Variants in CACNG2 observed in about 807,000 individuals in gnomAD.
CACNG2 encodes the protein calcium voltage-gated channel auxiliary subunit gamma 2, also known as voltage-dependent calcium channel gamma-2 subunit.
Under a neutral mutation model 25.9 loss-of-function variants are expected in CACNG2, and 3 were observed. That is an observed-to-expected ratio of 0.12 (90% CI 0.05 to 0.30). The LOEUF (loss-of-function observed/expected upper bound fraction) is 0.30, where lower values mean the gene tolerates loss of function less well. Ranked by LOEUF, CACNG2 falls within the 10% of genes least tolerant of loss-of-function variation. The pLI is 1.00. For missense variants in CACNG2, 341 were observed against 432.5 expected (o/e 0.79, Z 1.88); for synonymous variants, 167 against 173.3 (o/e 0.96, Z 0.29).
chr22:36,681,510 A>G (rs555681364), intron 1 of CACNG2, among the ~76,000 whole-genome samples: 1 of 151,832 alleles, frequency 6.6e-6, no homozygotes, highest in South Asian at 2.1e-4. Flanking sequence ...AAATTTGAGC[A>G]TCAGCCTTTG....
rs1269216276 is a variant in CACNG2, at chr22:36,609,526, G to T, written c.212-21978C>A. On this transcript the variant is annotated intron_variant, in intron 1 of 3. Transcript: ENST00000300105. ...GGAATCAACCCCCTAGAGTGTGATC[G>T]GGCAGGAATCAGCCCCCCAGAGCGT... Among the ~76,000 whole-genome samples, 12 of 131,294 alleles carry T rather than the reference G, an allele frequency of 9.1e-5. No individual in the cohort carries two copies. The Admixed American group carries it at 9.4e-4, about 10-fold the overall frequency. 86.1% of individuals were successfully genotyped at this position (131,294 alleles called of 152,430 possible). A position where few individuals can be genotyped will look rare whatever the true frequency, so the allele number is the denominator to read the frequency against.
At chr22:36,614,240 G>A (rs1213160977) in intron 1 of CACNG2, among the ~76,000 whole-genome samples, 2 of 152,146 alleles carry the variant, frequency 1.3e-5, no homozygotes, top group Non-Finnish European at 2.9e-5. Context: ...ATCTCTGGAC[G>A]TTTGCCACGT....
intron 1 of CACNG2, among the ~76,000 whole-genome samples, chr22:36,663,161 A>G (rs867066727): frequency 5.9e-5 from 9 of 152,270 alleles, no homozygotes; most frequent in Non-Finnish European, 7.4e-5. Flanking sequence ...CCCTTGCCCA[A>G]GTCGGTCTAC....
At chr22:36,611,022 T>A (rs1935931701) in intron 1 of CACNG2, among the ~76,000 whole-genome samples, 1 of 152,238 alleles carries the variant, frequency 6.6e-6, no homozygotes, top group Non-Finnish European at 1.5e-5. Context: ...GTTGTGACAC[T>A]CTGGAATCTG....
At chr22:36,641,223 A>G (rs1402775724) in intron 1 of CACNG2, among the ~76,000 whole-genome samples, 3 of 152,086 alleles carry the variant, frequency 2.0e-5, no homozygotes. Context: ...TTGTTTGTTG[A>G]TTGCCTCTTT....
At chr22:36,660,066 G>A (rs1463804516) in intron 1 of CACNG2, among the ~76,000 whole-genome samples, 1 of 152,220 alleles carries the variant, frequency 6.6e-6, no homozygotes, top group African/African-American at 2.4e-5. Flanking sequence ...GCACAAGCCG[G>A]GGCCTCCCAG....
chr22:36,566,699 C>G (rs891558789), intron 2 of CACNG2, among the ~76,000 whole-genome samples: 5 of 152,194 alleles, frequency 3.3e-5, no homozygotes, highest in Non-Finnish European at 2.9e-5. Context: ...CCCACTGCCT[C>G]CAGGGCCAAA....
chr22:36,580,939 A>G (rs2145917468), intron 2 of CACNG2, among the ~76,000 whole-genome samples: 1 of 152,252 alleles, frequency 6.6e-6, no homozygotes. Flanking sequence ...AGACACTCAA[A>G]CACACAGACA....
intron 1 of CACNG2, among the ~76,000 whole-genome samples, chr22:36,660,833 T>C (rs1194198340): frequency 6.6e-6 from 1 of 152,258 alleles, no homozygotes; most frequent in Non-Finnish European, 1.5e-5. Context: ...TGCTAAAGTT[T>C]TTTAAATCAT....
At chr22:36,661,400 G>A (rs182046053) in intron 1 of CACNG2, among the ~76,000 whole-genome samples, 2 of 152,142 alleles carry the variant, frequency 1.3e-5, no homozygotes, top group South Asian at 4.1e-4. Context: ...GCCATTTCTG[G>A]GCTGAGTGAC....
chr22:36,681,304 T>C (rs1937120309), intron 1 of CACNG2, among the ~76,000 whole-genome samples: 1 of 152,208 alleles, frequency 6.6e-6, no homozygotes, highest in Non-Finnish European at 1.5e-5. Context: ...AGACTGGACT[T>C]TTCCTACCTG....
At chr22:36,675,755 C>T (rs1937012100) in intron 1 of CACNG2, among the ~76,000 whole-genome samples, 1 of 152,244 alleles carries the variant, frequency 6.6e-6, no homozygotes, top group Admixed American at 6.5e-5. Flanking sequence ...ATCCCACTTT[C>T]ATCCCTTCTC....
chr22:36,620,887 G>A (rs1458645562), intron 1 of CACNG2, among the ~76,000 whole-genome samples: 1 of 152,244 alleles, frequency 6.6e-6, no homozygotes, highest in East Asian at 1.9e-4. Context: ...GCTGATTTGA[G>A]TTGCACTTCC....
intron 1 of CACNG2, among the ~76,000 whole-genome samples, chr22:36,683,942 G>A (rs1294847739): frequency 6.6e-6 from 1 of 152,166 alleles, no homozygotes; most frequent in Non-Finnish European, 1.5e-5. Context: ...GAGTGCTCCC[G>A]ACGCCTCAGA....
At chr22:36,676,190 A>C (rs1937018083) in intron 1 of CACNG2, among the ~76,000 whole-genome samples, 1 of 152,158 alleles carries the variant, frequency 6.6e-6, no homozygotes, top group Admixed American at 6.5e-5. Flanking sequence ...ATGGGTTTTC[A>C]CAGACACATT....
At chr22:36,595,985 C>T (rs1480497553) in intron 1 of CACNG2, among the ~76,000 whole-genome samples, 2 of 152,248 alleles carry the variant, frequency 1.3e-5, no homozygotes, top group African/African-American at 4.8e-5. Context: ...GTAAAAAGCA[C>T]ATTAATATCT....
chr22:36,636,045 A>G (rs1038143084), intron 1 of CACNG2, among the ~76,000 whole-genome samples: 23 of 152,154 alleles, frequency 1.5e-4, no homozygotes, highest in South Asian at 2.1e-4. Flanking sequence ...TTCTCCAGGC[A>G]GTTCGAGATC....
At chr22:36,577,801 A>G (rs1293180059) in intron 2 of CACNG2, among the ~76,000 whole-genome samples, 1 of 152,044 alleles carries the variant, frequency 6.6e-6, no homozygotes, top group Non-Finnish European at 1.5e-5. Context: ...ATGTTTCCTA[A>G]CCATGGGGTG....
intron 1 of CACNG2, among the ~76,000 whole-genome samples, chr22:36,628,222 A>C (rs545209642): frequency 6.6e-6 from 1 of 152,254 alleles, no homozygotes; most frequent in African/African-American, 2.4e-5. Flanking sequence ...AGGAATAGAT[A>C]GTTGGGGACG....
Sources: gnomAD v4.1 joint callset for allele counts (sites outside exome capture counted in the v4.1 genomes callset) on GRCh38, gnomAD v4.1.1 for gene constraint, MANE v1.5 for transcripts, NCBI Gene and HGNC (gene_info 2026-07-23, HGNC 2026-07-21) for gene names.